The following NCOA1 variants were observed in gnomAD, a reference collection of about 807,000 sequenced individuals.
NCOA1 encodes the protein nuclear receptor coactivator 1, also known as Hin-2 protein.
In NCOA1, 35 loss-of-function variants were observed where a neutral mutation model predicts 150.9. The observed-to-expected ratio is 0.23, with a 90% confidence interval of 0.18 to 0.31. The LOEUF (loss-of-function observed/expected upper bound fraction) is 0.31. Ranked by LOEUF, NCOA1 falls within the 10% of genes least tolerant of loss-of-function variation. The pLI, the probability that NCOA1 is intolerant of heterozygous loss-of-function variation, is 1.00. For synonymous variants in NCOA1, 590 were observed against 630.0 expected (o/e 0.94, Z 0.95); for missense variants, 1,491 against 1,749.3 (o/e 0.85, Z 2.63).
intron 3 of NCOA1, among the ~76,000 whole-genome samples, chr2:24,619,880 A>T (rs1160063841): frequency 6.6e-6 from 1 of 152,138 alleles, no homozygotes; most frequent in Non-Finnish European, 1.5e-5. Context: ...TTGGGGGTAT[A>T]AAAGGAGTAG....
At chr2:24,716,004 C>T (rs1464305998) in intron 14 of NCOA1, among the ~76,000 whole-genome samples, 6 of 151,808 alleles carry the variant, frequency 4.0e-5, no homozygotes, top group Non-Finnish European at 7.4e-5. Flanking sequence ...ATTAGCCGGG[C>T]GTGGTGGCAG....
chr2:24,701,054 T>C (rs1427376000), intron 11 of NCOA1, among the ~76,000 whole-genome samples: 1 of 152,224 alleles, frequency 6.6e-6, no homozygotes, highest in Non-Finnish European at 1.5e-5. Flanking sequence ...TACTTTTTCC[T>C]GGAGCACATC....
intron 3 of NCOA1, among the ~76,000 whole-genome samples, chr2:24,616,763 T>G (rs1212926181): frequency 6.6e-6 from 1 of 152,088 alleles, no homozygotes; most frequent in East Asian, 1.9e-4. Flanking sequence ...TGACTAGAAC[T>G]GAGGAAAGTA....
intron 1 of NCOA1, among the ~76,000 whole-genome samples, chr2:24,515,095 T>C (rs764931474): frequency 7.2e-5 from 11 of 152,236 alleles, no homozygotes; most frequent in Non-Finnish European, 8.8e-5. Context: ...AGAAAGAACT[T>C]ATCTAAAAAA....
At chr2:24,682,801 G>T in intron 7 of NCOA1, 150 bp from the exon 8 acceptor site, 1 of 478,858 alleles carries the variant, frequency 2.1e-6, no homozygotes, top group Non-Finnish European at 3.2e-6. Context: ...TTATGTTTAT[G>T]TCTCTCTCTC....
At chr2:24,588,595 A>G (rs553706258) in intron 3 of NCOA1, among the ~76,000 whole-genome samples, 1 of 152,166 alleles carries the variant, frequency 6.6e-6, no homozygotes, top group South Asian at 2.1e-4. Context: ...TAGACTCATG[A>G]TAAATGCTGT....
intron 3 of NCOA1, among the ~76,000 whole-genome samples, chr2:24,591,321 G>C (rs1431771788): frequency 6.6e-6 from 1 of 152,136 alleles, no homozygotes; most frequent in African/African-American, 2.4e-5. Flanking sequence ...TTGTAGTTAA[G>C]AAAAAGTACA....
chr2:24,658,889 A>G (rs1255386283), intron 5 of NCOA1, 123 bp downstream of exon 5: 23 of 819,248 alleles, frequency 2.8e-5, no homozygotes, highest in Non-Finnish European at 2.0e-5. Flanking sequence ...CATACTCACC[A>G]TGTTGTCTTC....
intron 5 of NCOA1, among the ~76,000 whole-genome samples, chr2:24,660,727 G>A (rs1671147318): frequency 6.6e-6 from 1 of 152,074 alleles, no homozygotes; most frequent in Non-Finnish European, 1.5e-5. Context: ...AGCCAGCCCT[G>A]CAGCAAATAT....
chr2:24,546,068 C>T (rs1233520250), intron 1 of NCOA1, among the ~76,000 whole-genome samples: 1 of 152,176 alleles, frequency 6.6e-6, no homozygotes, highest in Non-Finnish European at 1.5e-5. Flanking sequence ...TGATTACAGG[C>T]ATGAGCCACC....
At chr2:24,587,271 GTAGA>G (rs1300414834) in intron 3 of NCOA1, among the ~76,000 whole-genome samples, 2 of 151,930 alleles carry the variant, frequency 1.3e-5, no homozygotes, top group African/African-American at 2.4e-5. Context: ...GGTCAAAGTG[GTAGA>G]TAAAGGAAGG....
In NCOA1 at chr2:24,510,492, A is replaced by G. The variant is rs181665809; in HGVS notation, c.-396+18890A>G. 2.0e-3 allele frequency among the ~76,000 whole-genome samples: 300 copies of G among 152,222 alleles called. 2 individuals carry two copies. Among genetic ancestry groups the G allele is most frequent in the Middle Eastern group, 0.01 (3 of 294 alleles). On this transcript the variant is annotated intron_variant, in intron 1 of 22. Transcript: ENST00000348332. ...CAAGTAACTGGGACTACAGGCATGC[A>G]CTACCTGGCCTAGCTAATTTTTAAA...
At chr2:24,570,135 C>A (rs1249927072) in intron 2 of NCOA1, among the ~76,000 whole-genome samples, 1 of 149,674 alleles carries the variant, frequency 6.7e-6, no homozygotes, top group Non-Finnish European at 1.5e-5. Context: ...TTTCTGGGTC[C>A]ACGTTCAATC....
At chr2:24,524,822 C>G (rs1485247347) in intron 1 of NCOA1, among the ~76,000 whole-genome samples, 1 of 152,146 alleles carries the variant, frequency 6.6e-6, no homozygotes, top group Non-Finnish European at 1.5e-5. Context: ...GTTGGCCACG[C>G]TGGTCTTGAA....
At chr2:24,698,161 C>T (rs1329075025) in intron 11 of NCOA1, among the ~76,000 whole-genome samples, 3 of 151,974 alleles carry the variant, frequency 2.0e-5, no homozygotes, top group East Asian at 3.8e-4. Context: ...GGAAAATATA[C>T]GACAACCCTA....
At chr2:24,535,950 A>G (rs1665119139) in intron 1 of NCOA1, among the ~76,000 whole-genome samples, 1 of 151,964 alleles carries the variant, frequency 6.6e-6, no homozygotes, top group Admixed American at 6.6e-5. Context: ...CTTCTCGAGG[A>G]GTATCTTTAT....
At chr2:24,537,809 A>C (rs1235015159) in intron 1 of NCOA1, among the ~76,000 whole-genome samples, 1 of 151,028 alleles carries the variant, frequency 6.6e-6, no homozygotes, top group South Asian at 2.1e-4. Flanking sequence ...CTATCTATCT[A>C]TATATATCTC....
At chr2:24,498,267 A>G (rs1477227433) in intron 1 of NCOA1, among the ~76,000 whole-genome samples, 1 of 152,250 alleles carries the variant, frequency 6.6e-6, no homozygotes, top group African/African-American at 2.4e-5. Flanking sequence ...AGACGTAGTT[A>G]TATGAGTACG....
chr2:24,615,989 T>A (rs1017805697), intron 3 of NCOA1, among the ~76,000 whole-genome samples: 2 of 152,182 alleles, frequency 1.3e-5, no homozygotes, highest in Admixed American at 6.5e-5. Context: ...GAGCCTACTT[T>A]TAGGTTCAGT....
Sources: allele counts gnomAD v4.1 joint callset (sites outside exome capture counted in the v4.1 genomes callset), GRCh38; gene constraint gnomAD v4.1.1; transcripts MANE v1.5; gene names NCBI Gene and HGNC (gene_info 2026-07-23, HGNC 2026-07-21).